The following RNF103 variants were observed in gnomAD, a reference collection of about 807,000 sequenced individuals.
The protein encoded by RNF103 is E3 ubiquitin-protein ligase RNF103.
RNF103 carries 23 observed loss-of-function variants against 66.2 expected under a neutral mutation model. That is an observed-to-expected ratio of 0.35 (90% CI 0.25 to 0.49). The LOEUF (loss-of-function observed/expected upper bound fraction) is 0.49. Among genes scored for constraint, RNF103 ranks in the 20% least tolerant of loss-of-function variants. RNF103 has a pLI of 0.98. For missense variants in RNF103, 730 were observed against 814.7 expected, an observed-to-expected ratio of 0.90 and a Z score of 1.27; for synonymous variants, 297 against 289.9, an observed-to-expected ratio of 1.02 and a Z score of -0.25.
intron 2 of RNF103, chr2:86,617,075 G>C: frequency 1.0e-6 from 1 of 985,350 alleles, no homozygotes; most frequent in Non-Finnish European, 1.2e-6. Context: ...TTAGAAAAAA[G>C]AGCACTTGGT....
intron 3 of RNF103, among the ~76,000 whole-genome samples, chr2:86,606,994 G>T (rs780192716): frequency 1.3e-5 from 2 of 151,908 alleles, no homozygotes; most frequent in Non-Finnish European, 2.9e-5. Context: ...TGTCGCCCAG[G>T]CTGCCTTTTG....
At chr2:86,611,317 C>T (rs1285994287) in intron 3 of RNF103, among the ~76,000 whole-genome samples, 2 of 152,088 alleles carry the variant, frequency 1.3e-5, no homozygotes, top group Admixed American at 6.6e-5. Flanking sequence ...GGAACTCTAC[C>T]ATCCATCTCA....
chr2:86,606,857 A>C (rs1678585688), intron 3 of RNF103, among the ~76,000 whole-genome samples: 1 of 151,732 alleles, frequency 6.6e-6, no homozygotes, highest in Non-Finnish European at 1.5e-5. Context: ...AGTTCATTGC[A>C]GTCTTGAACT....
chr2:86,612,258 C>G lies in RNF103; in HGVS notation c.383G>C (p.Arg128Thr). ...IWLVQVIAND[R>T]SPLVGKIHWE... ...GTGAATTTTGCCCACCAAGGGACTT[C>G]TGTCATTTGCTATGACCTATTCCCA... The change falls in exon 3 of 4, where the codon AGA (arginine) becomes ACA (threonine). Residue 128 changes from arginine to threonine, a missense_variant. Coordinates refer to ENST00000237455, the MANE Select transcript of RNF103 (RefSeq NM_005667.4). 2 of 1,612,114 alleles carry G rather than the reference C, an allele frequency of 1.2e-6. No homozygotes were observed. The highest frequency in any genetic ancestry group is 1.7e-6 in the Non-Finnish European group (2 of 1,178,742).
intron 2 of RNF103, among the ~76,000 whole-genome samples, chr2:86,616,191 G>C (rs1245756133): frequency 6.6e-6 from 1 of 152,130 alleles, no homozygotes; most frequent in Non-Finnish European, 1.5e-5. Flanking sequence ...GTTTATTACT[G>C]ATCAAACCAT....
At position 86,604,501 on chromosome 2, in the gene RNF103, A is replaced by T; in HGVS notation, c.1400T>A (p.Phe467Tyr). Residue 467 changes from phenylalanine (F) to tyrosine (Y), a missense_variant, in exon 4 of 4, where the codon TTC becomes TAC. Physicochemically the swap from Phe to Tyr is conservative, Grantham distance 22. Transcript: ENST00000237455. ...SLWDWYTSYLFHPIASFQNFP... is the reference protein window; with the variant it reads ...SLWDWYTSYLYHPIASFQNFP... ...GTTCTGAAAAGAAGCAATCGGGTGG[A>T]AGAGGTAGCTGGTGTACCAGTCCCA... The T allele has an allele frequency of 6.2e-7, 1 of 1,614,246 alleles. No homozygotes were observed. The highest frequency in any genetic ancestry group is 1.1e-5 in the South Asian group (1 of 91,086).
intron 3 of RNF103, among the ~76,000 whole-genome samples, chr2:86,610,336 TCAC>T (rs1678745615): frequency 6.6e-6 from 1 of 152,198 alleles, no homozygotes; most frequent in African/African-American, 2.4e-5. Context: ...ATGTATCTCT[TCAC>T]CATTTCTCAG....
At position 86,603,982 on chromosome 2, in the gene RNF103, C is replaced by T. The variant is rs777018125; in HGVS notation, c.1919G>A (p.Gly640Asp). 2.5e-6 allele frequency: 4 copies of T among 1,613,968 alleles called. No homozygotes were observed. The African/African-American group carries it at 4.0e-5, about 16-fold the overall frequency. The change falls in exon 4 of 4, where the codon GGT becomes GAT. Residue 640 changes from glycine to aspartate, a missense_variant. This residue lies in a region of RNF103 where 355 missense variants were observed against 351.9 expected (regional missense o/e 1.01). Transcript: ENST00000237455. ...AATGCAATTCTGATGAAACACATGA[C>T]CACAAGGCAACCCCATTAGCAAACA... Reference protein sequence around the residue: ...NGCLLMGLPCGHVFHQNCIVM... With the variant: ...NGCLLMGLPCDHVFHQNCIVM...
Position 86,605,362 on chromosome 2 carries a change from G to T in RNF103, c.539C>A (p.Thr180Lys). Reference sequence around the variant, plus strand: ...CATGACTTTCCCTTTTGAAGTACTTGTTTGTGGAACAGACATAATGAGTGT... The same window carrying T: ...CATGACTTTCCCTTTTGAAGTACTTTTTTGTGGAACAGACATAATGAGTGT... ...RSTLIMSVPQ[T>K]STSKGKVMLK... The change falls in exon 4 of 4, where the codon ACA becomes AAA. Residue 180 changes from threonine to lysine, a missense_variant. Around this residue, in one of 3 missense-constraint regions of RNF103, gnomAD observed 327 missense variants for 369.8 expected, o/e 0.88. Coordinates refer to ENST00000237455, the MANE Select transcript of RNF103 (RefSeq NM_005667.4). 1 of 1,614,106 alleles carries T rather than the reference G, an allele frequency of 6.2e-7. No individual in the cohort carries two copies. The highest frequency in any genetic ancestry group is 8.5e-7 in the Non-Finnish European group (1 of 1,179,990).
Position 86,623,768 on chromosome 2 carries a change from A to C in RNF103, c.-882T>G. The C allele has an allele frequency of 7.8e-7, 1 of 1,282,482 alleles. No homozygotes were observed. The highest frequency in any genetic ancestry group is 2.1e-4 in the Middle Eastern group (1 of 4,658). The allele number at this position is 1,282,482 out of a possible 1,614,324, so 79.4% of individuals were successfully genotyped here. ...CGCTCGGATGGGCAGTGCCGGTCGC[A>C]GCACCCGTCCCCAACACCCCCGCCA... On this transcript the variant is annotated 5_prime_UTR_variant, in exon 1 of 4. Coordinates refer to ENST00000237455, the MANE Select transcript of RNF103 (RefSeq NM_005667.4).
rs763110796 is a variant in RNF103, at chr2:86,622,798, G to C, written c.89C>G (p.Thr30Ser). The C allele has an allele frequency of 6.2e-6, 10 of 1,614,182 alleles. No individual in the cohort carries two copies. The East Asian group carries it at 1.3e-4, about 22-fold the overall frequency. ...CACCAGCTGGGTGGCAAAGATGCCA[G>C]TTTCATACCACACAATGGCCTCAAA... ...RFFEAIVWYE[T>S]GIFATQLVDP... The change falls in exon 1 of 4, where the codon ACT becomes AGT. Residue 30 changes from threonine to serine, a missense_variant. Thr to Ser is a moderately conservative substitution (Grantham distance 58). This residue lies in a region of RNF103 where 327 missense variants were observed against 369.8 expected (regional missense o/e 0.88). Transcript: ENST00000237455.
chr2:86,617,599 C>T lies in RNF103; in HGVS notation c.366+2731G>A, dbSNP rs1378715553. 29 of 929,134 alleles carry T rather than the reference C, an allele frequency of 3.1e-5. No homozygotes were observed. The Admixed American group carries it at 5.5e-4, about 18-fold the overall frequency. 57.6% of individuals were successfully genotyped at this position (929,134 alleles called of 1,614,324 possible). ...CAGGCATCCACTGGGGGTCTTGGAACGCATCCCCCTCAGATAAGGGGGGAC... is the reference window on the plus strand; with the variant it reads ...CAGGCATCCACTGGGGGTCTTGGAATGCATCCCCCTCAGATAAGGGGGGAC... On this transcript the variant is annotated intron_variant, in intron 2 of 3. Coordinates refer to ENST00000237455, the MANE Select transcript of RNF103 (RefSeq NM_005667.4).
chr2:86,616,875 A>T (rs1679044432), intron 2 of RNF103: 1 of 985,308 alleles, frequency 1.0e-6, no homozygotes, highest in African/African-American at 1.7e-5. Flanking sequence ...TAACTTCTCC[A>T]CTTCAGAAGC....
In RNF103 at chr2:86,604,791, G is replaced by C. The variant is rs766338643; in HGVS notation, c.1110C>G (p.Ser370=). ...GTAAAAAGCCCAACACAGGTAGCCA[G>C]GAAATAATTAATAGAGAATTATATG... is the stretch of plus-strand genomic sequence containing the variant. The part of the protein sequence containing the change: ...LGTYNSLLII[S]WLPVLGFLQL... The change falls in exon 4 of 4, where the codon TCC becomes TCG. Residue 370 remains serine (S), a synonymous_variant. Transcript: ENST00000237455. The C allele has an allele frequency of 1.9e-6, 3 of 1,614,090 alleles. No homozygotes were observed. Among genetic ancestry groups the C allele is most frequent in the Non-Finnish European group, 2.5e-6 (3 of 1,180,022 alleles).
At position 86,623,099 on chromosome 2, in the gene RNF103, G is replaced by A. The variant is rs1205026488; in HGVS notation, c.-213C>T. 3 of 1,268,188 alleles carry A rather than the reference G, an allele frequency of 2.4e-6. No individual in the cohort carries two copies. The highest frequency in any genetic ancestry group is 3.0e-6 in the Non-Finnish European group (3 of 1,011,482). 78.6% of individuals were successfully genotyped at this position (1,268,188 alleles called of 1,614,324 possible). A position where few individuals can be genotyped will look rare whatever the true frequency, so the allele number is the denominator to read the frequency against. ...CGGCGACGAGGGACGCAGAGACGCA[G>A]AGCCTCGCGCCGGGCCTCCCAGTCA... is the stretch of plus-strand genomic sequence containing the variant. On this transcript the variant is annotated 5_prime_UTR_variant, in exon 1 of 4. Transcript: ENST00000237455.
chr2:86,621,294 TAATA>T (rs769619372), intron 1 of RNF103, among the ~76,000 whole-genome samples: 11 of 151,958 alleles, frequency 7.2e-5, no homozygotes, highest in Non-Finnish European at 1.2e-4. Flanking sequence ...AAGAAGGCAA[TAATA>T]AATAACAGTC....
intron 2 of RNF103, chr2:86,615,216 G>C (rs1449805421): frequency 2.0e-6 from 2 of 985,276 alleles, no homozygotes; most frequent in African/African-American, 1.7e-5. Flanking sequence ...ACGTGTTCTA[G>C]CATTTGGTTT....
Position 86,620,424 on chromosome 2 carries a change from T to A in RNF103, c.272A>T (p.Glu91Val). Residue 91 changes from glutamate (E) to valine (V), a missense_variant, in exon 2 of 4, where the codon GAA becomes GTA. Coordinates refer to ENST00000237455, the MANE Select transcript of RNF103 (RefSeq NM_005667.4). The part of the protein sequence containing the change: ...GELYSALKEE[E>V]ASESVSSTNF... Reference sequence around the variant, plus strand: ...GGTACTAGAAACCGATTCGGATGCTTCTTCTTCCTTGAGAGCAGAATAGAG... The same window carrying A: ...GGTACTAGAAACCGATTCGGATGCTACTTCTTCCTTGAGAGCAGAATAGAG... 6.2e-7 allele frequency: 1 copy of A among 1,606,222 alleles called. No individual in the cohort carries two copies. The highest frequency in any genetic ancestry group is 8.5e-7 in the Non-Finnish European group (1 of 1,174,224).
chr2:86,605,021 C>T lies in RNF103; in HGVS notation c.880G>A (p.Glu294Lys). The T allele has an allele frequency of 6.2e-7, 1 of 1,614,000 alleles. No individual in the cohort carries two copies. Among genetic ancestry groups the T allele is most frequent in the Non-Finnish European group, 8.5e-7 (1 of 1,180,006 alleles). The change falls in exon 4 of 4, where the codon GAA becomes AAA. Residue 294 changes from glutamate (E) to lysine (K), a missense_variant. By Grantham distance (56) the Glu-to-Lys change is moderately conservative. Transcript: ENST00000237455. ...TGGTTTCCATACCTGTAAATTCCTTCAGGAGTTCTAAGTATGTATGATGGC... is the reference window on the plus strand; with the variant it reads ...TGGTTTCCATACCTGTAAATTCCTTTAGGAGTTCTAAGTATGTATGATGGC... Reference protein sequence around the residue: ...NMPSYILRTPEGIYRYGNHTG... With the variant: ...NMPSYILRTPKGIYRYGNHTG...
Sources: gnomAD v4.1 joint callset for allele counts (sites outside exome capture counted in the v4.1 genomes callset) on GRCh38, gnomAD v4.1.1 for gene constraint, gnomAD v4.1.1 regional missense constraint, MANE v1.5 for transcripts, NCBI Gene and HGNC (gene_info 2026-07-23, HGNC 2026-07-21) for gene names.